Variants in MEI1 observed in about 807,000 individuals in gnomAD.
The protein encoded by MEI1 is meiosis inhibitor protein 1.
A neutral mutation model predicts 146.2 loss-of-function variants in MEI1; 103 were observed. The observed-to-expected ratio is 0.70, with a 90% CI of 0.60 to 0.83. MEI1 has a LOEUF of 0.83. Ranked by LOEUF, MEI1 falls within the 40% of genes least tolerant of loss-of-function variation. MEI1 has a pLI of 0.00. For synonymous variants in MEI1, 652 were observed against 628.2 expected (o/e 1.04, Z -0.57); for missense variants, 1,529 against 1,533.0 (o/e 1.00, Z 0.04).
chr22:41,757,826 A>G (rs1002211554), intron 17 of MEI1, among the ~76,000 whole-genome samples: 2 of 152,172 alleles, frequency 1.3e-5, no homozygotes, highest in African/African-American at 2.4e-5. Context: ...TAGCCACTCA[A>G]TGAACATATG....
chr22:41,773,853 C>T (rs1288788563), intron 20 of MEI1, among the ~76,000 whole-genome samples: 2 of 152,080 alleles, frequency 1.3e-5, no homozygotes, highest in African/African-American at 2.4e-5. Context: ...CCAGCCTGGG[C>T]GACAGAGCTA....
chr22:41,782,754 G>T lies in MEI1; in HGVS notation c.3087+909G>T, dbSNP rs1209967049. Among the ~76,000 whole-genome samples, 5 of 152,162 alleles carry T rather than the reference G, an allele frequency of 3.3e-5. No individual in the cohort carries two copies. The East Asian group carries it at 9.6e-4, about 29-fold the overall frequency. On this transcript the variant is annotated intron_variant, in intron 24 of 30. Transcript: ENST00000401548. The stretch of plus-strand genomic sequence containing the variant: ...AACCTTTCCTAATTTTCCGTGTGAG[G>T]CTGCTGGGCTCATCCAGCTGTCTGC...
intron 11 of MEI1, among the ~76,000 whole-genome samples, chr22:41,734,201 T>C (rs909145829): frequency 2.0e-5 from 3 of 152,242 alleles, no homozygotes; most frequent in African/African-American, 7.2e-5. Context: ...GCAAATACTA[T>C]ACCATTTTAT....
intron 5 of MEI1, among the ~76,000 whole-genome samples, chr22:41,717,188 AT>A (rs918390317): frequency 4.6e-5 from 7 of 151,926 alleles, no homozygotes; most frequent in East Asian, 1.9e-4. Flanking sequence ...AATAATAATA[AT>A]TTTTTGAGAC....
chr22:41,747,845 A>C (rs1013402540), intron 14 of MEI1, among the ~76,000 whole-genome samples: 6 of 151,828 alleles, frequency 4.0e-5, no homozygotes, highest in Admixed American at 2.6e-4. Flanking sequence ...GTTTTTACAC[A>C]CCAGACCACA....
intron 26 of MEI1, among the ~76,000 whole-genome samples, chr22:41,792,081 A>C (rs1488102770): frequency 6.6e-6 from 1 of 152,228 alleles, no homozygotes; most frequent in Non-Finnish European, 1.5e-5. Context: ...CTCTATGGAT[A>C]TAATTTTAAA....
rs967829114 is a variant in MEI1 at position 41,716,136 on chromosome 22, A to C, written c.519A>C (p.Val173=). 1.2e-6 allele frequency: 2 copies of C among 1,606,690 alleles called. No homozygotes were observed. The highest frequency in any genetic ancestry group is 1.7e-6 in the Non-Finnish European group (2 of 1,176,472). Residue 173 remains valine, a synonymous_variant, in exon 5 of 31, where the codon GTA becomes GTC. Coordinates refer to ENST00000401548, the MANE Select transcript of MEI1 (RefSeq NM_152513.4). ...TCCCTGCTCTGGCAGACGAGCTTGT[A>C]ATGGAGCATGGTGAGTGACCTGTGG... is the stretch of plus-strand genomic sequence containing the variant. ...DAIPALADEL[V]MEHGNLMEHL...
chr22:41,779,096 C>T (rs919685001), intron 22 of MEI1, among the ~76,000 whole-genome samples: 3 of 151,834 alleles, frequency 2.0e-5, no homozygotes, highest in South Asian at 2.1e-4. Context: ...TGTTTGAGGC[C>T]GGAGGATTGT....
intron 11 of MEI1, among the ~76,000 whole-genome samples, chr22:41,737,737 C>G (rs997396343): frequency 6.6e-6 from 1 of 152,052 alleles, no homozygotes; most frequent in East Asian, 1.9e-4. Flanking sequence ...CGCCTCCCCC[C>G]ACTAAAATAT....
chr22:41,785,915 ATT>A (rs1274113686), intron 26 of MEI1, among the ~76,000 whole-genome samples: 4 of 104,026 alleles, frequency 3.8e-5, no homozygotes, highest in Admixed American at 1.1e-4. Context: ...TTTTTATTTT[ATT>A]TTTTTTTTTT....
chr22:41,768,309 G>A (rs1009335959), intron 19 of MEI1, among the ~76,000 whole-genome samples: 1 of 151,896 alleles, frequency 6.6e-6, no homozygotes, highest in Non-Finnish European at 1.5e-5. Flanking sequence ...TTGAATCCTG[G>A]AGGCGGAGGT....
chr22:41,710,398 G>A (rs541172808), intron 3 of MEI1, among the ~76,000 whole-genome samples: 2 of 152,340 alleles, frequency 1.3e-5, no homozygotes, highest in East Asian at 1.9e-4. Context: ...GTTAGTAAGT[G>A]TAATAGGGAA....
At chr22:41,704,815 C>T (rs184949072) in intron 2 of MEI1, among the ~76,000 whole-genome samples, 31 of 151,786 alleles carry the variant, frequency 2.0e-4, no homozygotes, top group African/African-American at 3.6e-4. Flanking sequence ...CCCAGGTTCA[C>T]GCCATTCTCC....
intron 26 of MEI1, among the ~76,000 whole-genome samples, chr22:41,785,456 T>A (rs1165577891): frequency 6.9e-6 from 1 of 145,024 alleles, no homozygotes; most frequent in Non-Finnish European, 1.5e-5. Context: ...TAGAGAAAGG[T>A]TTTCACTGTG....
chr22:41,798,176 G>A (rs2076435459), intron 30 of MEI1, among the ~76,000 whole-genome samples: 1 of 148,478 alleles, frequency 6.7e-6, no homozygotes, highest in Non-Finnish European at 1.5e-5. Flanking sequence ...CACACATAGT[G>A]TGTGTCTCTG....
At chr22:41,729,572 A>G (rs559861711) in intron 7 of MEI1, 93 bp from the exon 8 acceptor site, 255 of 752,048 alleles carry the variant, frequency 3.4e-4, no homozygotes, top group Non-Finnish European at 4.7e-4. Context: ...AGGATCGAAA[A>G]TGAATTAGGC....
intron 11 of MEI1, among the ~76,000 whole-genome samples, chr22:41,741,467 A>G (rs897830420): frequency 1.3e-5 from 2 of 152,236 alleles, no homozygotes; most frequent in Non-Finnish European, 2.9e-5. Flanking sequence ...GGAAACTCAC[A>G]ATTAAACTAG....
chr22:41,745,710 G>A lies in MEI1; in HGVS notation c.1539-175G>A, dbSNP rs6002462. Among the ~76,000 whole-genome samples, 174 of 152,236 alleles carry A rather than the reference G, an allele frequency of 1.1e-3. 2 individuals carry two copies. The highest frequency in any genetic ancestry group is 4.1e-3 in the African/African-American group (171 of 41,528). The stretch of plus-strand genomic sequence containing the variant: ...TAGGGAGCAAGAATCTGGAGAGATA[G>A]CCAGGGATCAAGTCCTCTCCTCATT... On this transcript the variant is annotated intron_variant, in intron 13 of 30. Transcript: ENST00000401548.
intron 13 of MEI1, among the ~76,000 whole-genome samples, chr22:41,745,448 A>G (rs5996058): frequency 0.83 from 126,891 of 152,156 alleles, 53,863 homozygotes; most frequent in African/African-American, 0.95. Context: ...CTAGACAGTG[A>G]GGCTAGAAAG....
Sources: gnomAD v4.1 joint callset for allele counts (sites outside exome capture counted in the v4.1 genomes callset) on GRCh38, gnomAD v4.1.1 for gene constraint, MANE v1.5 for transcripts, NCBI Gene and HGNC (gene_info 2026-07-23, HGNC 2026-07-21) for gene names.